The following NELL1 variants were observed in gnomAD, a reference collection of about 807,000 sequenced individuals.
NELL1 encodes protein kinase C-binding protein NELL1.
A neutral mutation model predicts 107.4 loss-of-function variants in NELL1; 76 were observed. That is an observed-to-expected ratio of 0.71 (90% CI 0.59 to 0.86). The LOEUF (loss-of-function observed/expected upper bound fraction) is 0.86. Ranked by LOEUF, NELL1 falls within the 40% of genes least tolerant of loss-of-function variation. NELL1 has a pLI of 0.00. For missense variants in NELL1, 1,024 were observed against 1,005.5 expected (o/e 1.02, Z -0.25); for synonymous variants, 353 against 341.2 (o/e 1.03, Z -0.38).
intron 15 of NELL1, among the ~76,000 whole-genome samples, chr11:21,379,654 T>G (rs1851563729): frequency 6.6e-6 from 1 of 152,124 alleles, no homozygotes; most frequent in Non-Finnish European, 1.5e-5. Flanking sequence ...CAGTCAAAAT[T>G]TTTCTTAGTT....
At chr11:21,488,471 A>AT (rs1286042379) in intron 15 of NELL1, among the ~76,000 whole-genome samples, 4 of 151,988 alleles carry the variant, frequency 2.6e-5, no homozygotes, top group Admixed American at 6.6e-5. Flanking sequence ...AGCATTGGTG[A>AT]TATCTGCAAT....
rs141917064 is a variant in NELL1 at position 21,523,098 on chromosome 11, C to T, written c.1646-11276C>T. The stretch of plus-strand genomic sequence containing the variant: ...TCCTGACCTCGTGATCCGCCCGCCT[C>T]GGCATCCCAAAGAGCTGGGATTACA... On this transcript the variant is annotated intron_variant, in intron 15 of 19. Coordinates refer to ENST00000357134, the MANE Select transcript of NELL1 (RefSeq NM_006157.5). Among the ~76,000 whole-genome samples, 185 of 152,090 alleles carry T rather than the reference C, an allele frequency of 1.2e-3. 1 individual carries two copies. Among genetic ancestry groups the T allele is most frequent in the African/African-American group, 4.4e-3 (181 of 41,508 alleles).
intron 12 of NELL1, among the ~76,000 whole-genome samples, chr11:21,077,916 G>A (rs1358704437): frequency 1.3e-5 from 2 of 152,006 alleles, no homozygotes; most frequent in Non-Finnish European, 2.9e-5. Context: ...TACAACCACA[G>A]CAGTGTTTCT....
chr11:20,734,055 G>T (rs1855706979), intron 2 of NELL1, among the ~76,000 whole-genome samples: 1 of 152,188 alleles, frequency 6.6e-6, no homozygotes. Flanking sequence ...TTAGGGCAGA[G>T]ACCTACCTGA....
At chr11:21,145,970 A>T (rs891443688) in intron 13 of NELL1, among the ~76,000 whole-genome samples, 1 of 152,120 alleles carries the variant, frequency 6.6e-6, no homozygotes, top group Admixed American at 6.5e-5. Flanking sequence ...GGTTTGCAAG[A>T]CGTATTGGTT....
intron 2 of NELL1, among the ~76,000 whole-genome samples, chr11:20,680,093 T>A (rs973025533): frequency 1.3e-5 from 2 of 152,158 alleles, no homozygotes; most frequent in Admixed American, 1.3e-4. Context: ...GCCTTTCGCT[T>A]ATATCCCCTG....
intron 12 of NELL1, among the ~76,000 whole-genome samples, chr11:21,100,042 A>T (rs1005604740): frequency 6.6e-6 from 1 of 151,588 alleles, no homozygotes; most frequent in South Asian, 2.1e-4. Flanking sequence ...TGAGACACAG[A>T]GTATTGCTTT....
At chr11:21,549,290 A>AT (rs1856518282) in intron 16 of NELL1, among the ~76,000 whole-genome samples, 1 of 151,952 alleles carries the variant, frequency 6.6e-6, no homozygotes, top group African/African-American at 2.4e-5. Context: ...AAAGAGTATA[A>AT]TGTATAAGAG....
At chr11:21,292,493 G>A (rs1205245664) in intron 14 of NELL1, among the ~76,000 whole-genome samples, 1 of 152,086 alleles carries the variant, frequency 6.6e-6, no homozygotes, top group South Asian at 2.1e-4. Flanking sequence ...CGTGAAAATG[G>A]CCATACTGCC....
chr11:21,438,824 G>A (rs987676797), intron 15 of NELL1, among the ~76,000 whole-genome samples: 2 of 151,672 alleles, frequency 1.3e-5, no homozygotes, highest in African/African-American at 2.4e-5. Context: ...CAATAATTTT[G>A]TGTGAGGAAG....
At chr11:21,199,936 G>A (rs140243958) in intron 13 of NELL1, among the ~76,000 whole-genome samples, 1,557 of 152,132 alleles carry the variant, frequency 0.01, 28 homozygotes, top group African/African-American at 0.035. Flanking sequence ...TGAGAATGAC[G>A]GTTTACAGCT....
At chr11:21,148,548 C>G (rs1347047828) in intron 13 of NELL1, among the ~76,000 whole-genome samples, 1 of 152,130 alleles carries the variant, frequency 6.6e-6, no homozygotes, top group East Asian at 1.9e-4. Context: ...GGTTTATGAG[C>G]CTTACTTCAA....
rs147125699 is a variant in NELL1 at position 20,902,389 on chromosome 11, A to G, written c.604-15793A>G. Among the ~76,000 whole-genome samples, 672 of 152,254 alleles carry G rather than the reference A, an allele frequency of 4.4e-3. 3 individuals are homozygous for G. Among genetic ancestry groups the G allele is most frequent in the African/African-American group, 0.015 (641 of 41,558 alleles). On this transcript the variant is annotated intron_variant, in intron 5 of 19. Transcript: ENST00000357134. Reference sequence around the variant, plus strand: ...TGAAAGTAATTCAAGTTCACTAGTTATCTTGGAAATGCAAATTAAAACCAT... The same window carrying G: ...TGAAAGTAATTCAAGTTCACTAGTTGTCTTGGAAATGCAAATTAAAACCAT...
At chr11:21,402,498 A>G (rs968045204) in intron 15 of NELL1, among the ~76,000 whole-genome samples, 10 of 151,934 alleles carry the variant, frequency 6.6e-5, no homozygotes, top group Non-Finnish European at 1.5e-4. Context: ...TTGAGTAGCC[A>G]GATGTTTTTA....
At chr11:21,175,677 G>T (rs972351799) in intron 13 of NELL1, among the ~76,000 whole-genome samples, 1 of 151,824 alleles carries the variant, frequency 6.6e-6, no homozygotes, top group Non-Finnish European at 1.5e-5. Context: ...ATGTTAATTG[G>T]CAGCTCCGAT....
chr11:21,014,248 A>G (rs1001774840), intron 12 of NELL1, among the ~76,000 whole-genome samples: 2 of 152,066 alleles, frequency 1.3e-5, no homozygotes, highest in Admixed American at 1.3e-4. Context: ...CGATGCTTCC[A>G]CTTGGCAGAT....
At chr11:21,342,410 G>GA (rs1555007302) in intron 14 of NELL1, among the ~76,000 whole-genome samples, 1 of 123,244 alleles carries the variant, frequency 8.1e-6, no homozygotes, top group South Asian at 2.8e-4. Flanking sequence ...AGAGGCTTAA[G>GA]TGGGGGGGGG....
At chr11:21,090,205 G>A (rs1312825414) in intron 12 of NELL1, among the ~76,000 whole-genome samples, 1 of 152,170 alleles carries the variant, frequency 6.6e-6, no homozygotes, top group Admixed American at 6.5e-5. Flanking sequence ...ATTGGTCTCA[G>A]CTGGGTTTAT....
chr11:20,993,914 A>G (rs1852034101), intron 12 of NELL1, among the ~76,000 whole-genome samples: 1 of 150,820 alleles, frequency 6.6e-6, no homozygotes, highest in Non-Finnish European at 1.5e-5. Context: ...AAAAAAAATC[A>G]GTACGAATCA....
Sources: allele counts gnomAD v4.1 joint callset (sites outside exome capture counted in the v4.1 genomes callset), GRCh38; gene constraint gnomAD v4.1.1; transcripts MANE v1.5; gene names NCBI Gene and HGNC (gene_info 2026-07-23, HGNC 2026-07-21).